ROBO2: variants seen among roughly 807,000 people sequenced by gnomAD.
ROBO2 encodes the protein roundabout homolog 2.
ROBO2 carries 53 observed loss-of-function variants against 160.8 expected under a neutral mutation model. The observed-to-expected ratio is 0.33, with a 90% CI of 0.26 to 0.41. The LOEUF (loss-of-function observed/expected upper bound fraction) is 0.41. Ranked by LOEUF, ROBO2 falls within the 10% of genes least tolerant of loss-of-function variation. The pLI, the probability that ROBO2 is intolerant of heterozygous loss-of-function variation, is 1.00. For missense variants in ROBO2, 1,577 were observed against 1,722.4 expected, an observed-to-expected ratio of 0.92 and a Z score of 1.49; for synonymous variants, 664 against 611.7, an observed-to-expected ratio of 1.09 and a Z score of -1.26.
intron 2 of ROBO2, among the ~76,000 whole-genome samples, chr3:77,387,921 T>C (rs1204368686): frequency 2.0e-5 from 3 of 152,046 alleles, no homozygotes; most frequent in Admixed American, 6.6e-5. Flanking sequence ...ATCGAAGCCG[T>C]CTAAATCATC....
chr3:77,062,901 T>C (rs2066464590), intron 1 of ROBO2, among the ~76,000 whole-genome samples: 1 of 152,196 alleles, frequency 6.6e-6, no homozygotes, highest in South Asian at 2.1e-4. Flanking sequence ...TTTGTATATG[T>C]ATGAGTTTAA....
chr3:77,029,303 G>A (rs2063168243), intron 2 of ROBO2, among the ~76,000 whole-genome samples: 1 of 152,048 alleles, frequency 6.6e-6, no homozygotes. Flanking sequence ...GGTAATTTGG[G>A]GAGCTTTTAA....
intron 2 of ROBO2, among the ~76,000 whole-genome samples, chr3:76,525,167 A>T (rs1304505649): frequency 6.6e-6 from 1 of 151,880 alleles, no homozygotes; most frequent in Non-Finnish European, 1.5e-5. Flanking sequence ...TAGAGCTTCT[A>T]GTACATAGAA....
At chr3:75,937,423 A>G (rs572846518) in intron 1 of ROBO2, 2 of 913,590 alleles carry the variant, frequency 2.2e-6, no homozygotes, top group East Asian at 2.9e-5. Flanking sequence ...GAGTCGTAGT[A>G]TATTTCTCTA....
chr3:76,319,976 G>A (rs1411571081), intron 2 of ROBO2, among the ~76,000 whole-genome samples: 8 of 151,984 alleles, frequency 5.3e-5, no homozygotes, highest in East Asian at 1.9e-4. Context: ...TTTGATAAAC[G>A]GAGGGGAAGT....
At chr3:77,157,199 A>G (rs1238446480) in intron 2 of ROBO2, among the ~76,000 whole-genome samples, 2 of 152,006 alleles carry the variant, frequency 1.3e-5, no homozygotes, top group Non-Finnish European at 2.9e-5. Context: ...CCTTTGACTC[A>G]CTGATTTTTG....
intron 2 of ROBO2, among the ~76,000 whole-genome samples, chr3:76,540,442 C>T (rs1578010987): frequency 6.6e-6 from 1 of 152,174 alleles, no homozygotes; most frequent in South Asian, 2.1e-4. Flanking sequence ...TCCCTTTGCT[C>T]ATTGAAAAAT....
intron 2 of ROBO2, among the ~76,000 whole-genome samples, chr3:75,982,506 C>A (rs993420500): frequency 1.1e-4 from 16 of 151,560 alleles, no homozygotes; most frequent in African/African-American, 3.9e-4. Context: ...TTTTGGTTTG[C>A]ATTTCTCTGA....
intron 2 of ROBO2, among the ~76,000 whole-genome samples, chr3:76,948,917 T>C: frequency 1.7e-5 from 2 of 120,176 alleles, no homozygotes; most frequent in African/African-American, 7.3e-5. Context: ...TATTTTTTTT[T>C]TTTTTTTTTT....
At chr3:77,624,812 C>T (rs550068604) in intron 23 of ROBO2, among the ~76,000 whole-genome samples, 1 of 152,198 alleles carries the variant, frequency 6.6e-6, no homozygotes, top group Admixed American at 6.5e-5. Flanking sequence ...TTAAAGAGAT[C>T]TAACAGTTAC....
At chr3:76,612,516 C>A (rs2088208482) in intron 2 of ROBO2, among the ~76,000 whole-genome samples, 1 of 152,058 alleles carries the variant, frequency 6.6e-6, no homozygotes, top group South Asian at 2.1e-4. Flanking sequence ...CACATGGACA[C>A]AGGGAGGGGA....
chr3:77,345,403 G>A (rs2067522719), intron 2 of ROBO2, among the ~76,000 whole-genome samples: 1 of 152,128 alleles, frequency 6.6e-6, no homozygotes, highest in Non-Finnish European at 1.5e-5. Context: ...TTCAAGGTGA[G>A]AGGGGTCTAC....
chr3:76,429,239 T>C (rs2076341639), intron 2 of ROBO2, among the ~76,000 whole-genome samples: 1 of 151,938 alleles, frequency 6.6e-6, no homozygotes, highest in Admixed American at 6.6e-5. Flanking sequence ...ATGTATTGTA[T>C]ATGCTATGTC....
intron 2 of ROBO2, among the ~76,000 whole-genome samples, chr3:76,149,284 C>T (rs187852000): frequency 1.3e-5 from 2 of 152,110 alleles, no homozygotes; most frequent in African/African-American, 4.8e-5. Context: ...TGTATCAGAA[C>T]ATTATCACTT....
chr3:77,040,462 G>T (rs2063978309), exon 1 of ROBO2: 2 of 1,131,094 alleles, frequency 1.8e-6, no homozygotes, highest in Non-Finnish European at 2.2e-6. Flanking sequence ...GCTTTGGATT[G>T]CAGTGGAGCC....
chr3:77,444,004 C>T (rs893166384), intron 2 of ROBO2, among the ~76,000 whole-genome samples: 3 of 152,196 alleles, frequency 2.0e-5, no homozygotes, highest in Admixed American at 1.3e-4. Context: ...GATAATGTCT[C>T]TAATTAGCCT....
chr3:76,702,866 CT>C (rs2093076782), intron 2 of ROBO2, among the ~76,000 whole-genome samples: 1 of 152,110 alleles, frequency 6.6e-6, no homozygotes, highest in South Asian at 2.1e-4. Context: ...CAGCATGTTA[CT>C]GCTATTGAAA....
At chr3:76,584,663 A>C (rs142070718) in intron 2 of ROBO2, among the ~76,000 whole-genome samples, 2 of 152,312 alleles carry the variant, frequency 1.3e-5, no homozygotes, top group East Asian at 3.9e-4. Context: ...TATAGACAGT[A>C]AATATCTCAC....
chr3:76,741,554 G>A (rs1040700491), intron 2 of ROBO2, among the ~76,000 whole-genome samples: 22 of 152,096 alleles, frequency 1.4e-4, no homozygotes, highest in African/African-American at 5.3e-4. Context: ...CCTTGAAAAA[G>A]ATAGTTGATT....
Sources: allele counts gnomAD v4.1 joint callset (sites outside exome capture counted in the v4.1 genomes callset), GRCh38; gene constraint gnomAD v4.1.1; transcripts MANE v1.5; gene names NCBI Gene and HGNC (gene_info 2026-07-23, HGNC 2026-07-21).